GPM6A: variants seen among roughly 807,000 people sequenced by gnomAD.
The protein encoded by GPM6A is neuronal membrane glycoprotein M6-a.
A neutral mutation model predicts 32.1 loss-of-function variants in GPM6A; 7 were observed. The ratio of observed to expected loss-of-function variants is 0.22; its 90% CI spans 0.12 to 0.41. The LOEUF is 0.41. GPM6A is among the 10% of genes least tolerant of loss of function. The pLI, the probability that GPM6A is intolerant of heterozygous loss-of-function variation, is 1.00. For missense variants in GPM6A, 235 were observed against 347.2 expected (o/e 0.68, Z 2.57); for synonymous variants, 130 against 123.4 (o/e 1.05, Z -0.35).
At chr4:175,670,213 A>C (rs949065996) in intron 3 of GPM6A, among the ~76,000 whole-genome samples, 14 of 152,190 alleles carry the variant, frequency 9.2e-5, no homozygotes, top group African/African-American at 3.4e-4. Context: ...ATTTATTGAA[A>C]ATTCCATAGA....
chr4:175,714,917 T>C (rs577035856), intron 1 of GPM6A, among the ~76,000 whole-genome samples: 2 of 151,468 alleles, frequency 1.3e-5, no homozygotes, highest in South Asian at 4.2e-4. Context: ...CTCTTCTGAC[T>C]GTGATACATA....
chr4:175,730,779 C>T (rs905039925), intron 1 of GPM6A, among the ~76,000 whole-genome samples: 4 of 152,062 alleles, frequency 2.6e-5, no homozygotes, highest in Non-Finnish European at 5.9e-5. Flanking sequence ...TGGCCGTTCT[C>T]GATCTCTTAC....
intron 1 of GPM6A, among the ~76,000 whole-genome samples, chr4:175,873,755 C>G (rs1273626579): frequency 1.3e-5 from 2 of 152,154 alleles, no homozygotes; most frequent in Non-Finnish European, 2.9e-5. Flanking sequence ...TCTTGGTCTC[C>G]TCACTATTAC....
intron 1 of GPM6A, among the ~76,000 whole-genome samples, chr4:176,001,299 C>T (rs770890892): frequency 1.3e-5 from 2 of 152,092 alleles, no homozygotes; most frequent in African/African-American, 4.8e-5. Flanking sequence ...AAGAAGTGAG[C>T]GGGCTGGGGT....
At chr4:176,000,312 A>C (rs979835580) in intron 1 of GPM6A, among the ~76,000 whole-genome samples, 2 of 152,196 alleles carry the variant, frequency 1.3e-5, no homozygotes, top group Non-Finnish European at 1.5e-5. Flanking sequence ...CAGATTACAG[A>C]CAGGAAAGAG....
At chr4:175,970,734 G>T in intron 1 of GPM6A, 1 of 384,860 alleles carries the variant, frequency 2.6e-6, no homozygotes, top group South Asian at 2.0e-5. Flanking sequence ...TTCTTATGTT[G>T]AAATAAAAGG....
chr4:175,915,583 A>G (rs578133835), intron 1 of GPM6A, among the ~76,000 whole-genome samples: 1 of 152,178 alleles, frequency 6.6e-6, no homozygotes, highest in Non-Finnish European at 1.5e-5. Context: ...ATAAGTCAAT[A>G]AGAAAAAGAC....
intron 1 of GPM6A, among the ~76,000 whole-genome samples, chr4:175,841,884 T>C (rs17062139): frequency 0.061 from 9,207 of 152,014 alleles, 903 homozygotes; most frequent in African/African-American, 0.21. Context: ...AGAAAATGAG[T>C]TTTCTAGTTT....
In GPM6A at chr4:175,935,522, C is replaced by G. The variant is rs183985120; in HGVS notation, c.-23+66787G>C. Among the ~76,000 whole-genome samples the G allele has an allele frequency of 2.0e-5, 3 of 152,224 alleles. No homozygotes were observed. The East Asian group carries it at 5.8e-4, about 29-fold the overall frequency. On this transcript the variant is annotated intron_variant, in intron 1 of 7. Coordinates refer to the GPM6A transcript ENST00000280187. ...AAGACTTAGATTTCTAAAACCACTA[C>G]TGGAACAAAAGAAATACTCAGAAAA...
intron 3 of GPM6A, among the ~76,000 whole-genome samples, chr4:175,653,396 TCTTA>T (rs1741912762): frequency 2.0e-5 from 3 of 152,150 alleles, no homozygotes; most frequent in Non-Finnish European, 4.4e-5. Flanking sequence ...TCATCTCAAC[TCTTA>T]CTTCCTTTTT....
At chr4:175,771,931 T>C (rs1025415310) in intron 1 of GPM6A, among the ~76,000 whole-genome samples, 2 of 152,186 alleles carry the variant, frequency 1.3e-5, no homozygotes, top group Admixed American at 6.5e-5. Context: ...AATTTTATTT[T>C]GCTTGTCAGT....
At chr4:175,728,120 A>G (rs962862860) in intron 1 of GPM6A, among the ~76,000 whole-genome samples, 2 of 151,962 alleles carry the variant, frequency 1.3e-5, no homozygotes, top group African/African-American at 2.4e-5. Context: ...CACTCATTTG[A>G]TTAGTATTCA....
In GPM6A at chr4:175,887,440, C is replaced by A. The variant is rs11942679; in HGVS notation, c.-22-75191G>T. Among the ~76,000 whole-genome samples the A allele has an allele frequency of 4.6e-5, 7 of 151,784 alleles. No individual in the cohort carries two copies. In the South Asian group the frequency reaches 1.5e-3, roughly 32 times the overall value. On this transcript the variant is annotated intron_variant, in intron 1 of 7. Coordinates refer to the GPM6A transcript ENST00000280187. Reference sequence around the variant, plus strand: ...TTAAACAGTACTGGAAAATTTAGAGCCTTATATACATATTTTAGAAAGAAA... The same window carrying A: ...TTAAACAGTACTGGAAAATTTAGAGACTTATATACATATTTTAGAAAGAAA...
Position 175,651,916 on chromosome 4 carries a change from G to A in GPM6A, c.459C>T (p.Tyr153=). 1 of 1,612,944 alleles carries A rather than the reference G, an allele frequency of 6.2e-7. No individual in the cohort carries two copies. The highest frequency in any genetic ancestry group is 8.5e-7 in the Non-Finnish European group (1 of 1,179,140). ...GVTAFTSLPV[Y]MYFNLWTICR... ...AGATGGTCCACAGATTGAAGTACAT[G>A]TAAACTGGCAGTGAGGTGAAAGCCG... Residue 153 remains tyrosine (Y), a synonymous_variant, in exon 4 of 7, where the codon TAC becomes TAT. Transcript: ENST00000393658.
intron 6 of GPM6A, among the ~76,000 whole-genome samples, chr4:175,637,626 TATA>T (rs1740816394): frequency 8.4e-5 from 1 of 11,898 alleles, no homozygotes; most frequent in Non-Finnish European, 2.2e-4. Context: ...TAATATATAT[TATA>T]TATATATTAT....
chr4:175,876,230 C>T (rs1221826162), intron 1 of GPM6A, among the ~76,000 whole-genome samples: 1 of 152,020 alleles, frequency 6.6e-6, no homozygotes, highest in Admixed American at 6.6e-5. Context: ...GGTGACAATC[C>T]CATGAGTTTC....
intron 3 of GPM6A, among the ~76,000 whole-genome samples, chr4:175,663,851 G>A (rs921663024): frequency 2.6e-5 from 4 of 151,822 alleles, no homozygotes; most frequent in African/African-American, 4.8e-5. Flanking sequence ...CCGCCACTAC[G>A]CCCGGCTAAT....
chr4:175,703,160 C>G (rs58319321), intron 1 of GPM6A, among the ~76,000 whole-genome samples: 1 of 151,950 alleles, frequency 6.6e-6, no homozygotes. Context: ...TAGATGTAAC[C>G]TAACTATTAT....
chr4:175,909,149 G>A (rs996194758), intron 1 of GPM6A, among the ~76,000 whole-genome samples: 1 of 149,120 alleles, frequency 6.7e-6, no homozygotes, highest in East Asian at 1.9e-4. Flanking sequence ...TTTTATTATC[G>A]GGAAAGATAG....
Sources: gnomAD v4.1 joint callset for allele counts (sites outside exome capture counted in the v4.1 genomes callset) on GRCh38, gnomAD v4.1.1 for gene constraint, MANE v1.5 for transcripts, NCBI Gene and HGNC (gene_info 2026-07-23, HGNC 2026-07-21) for gene names.